Variants in SET observed in about 807,000 individuals in gnomAD.
SET encodes the protein protein SET.
SET carries 4 observed loss-of-function variants against 39.0 expected under a neutral mutation model. That is an observed-to-expected ratio of 0.10 (90% confidence interval 0.05 to 0.23). The LOEUF is 0.23. Ranked by LOEUF, SET falls within the 10% of genes least tolerant of loss-of-function variation. SET has a pLI of 1.00. For missense variants in SET, 137 were observed against 329.7 expected, an observed-to-expected ratio of 0.42 and a Z score of 4.53; for synonymous variants, 114 against 115.9, an observed-to-expected ratio of 0.98 and a Z score of 0.11.
At chr9:128,685,206 CT>C (rs778818629), upstream of SET, 3 of 1,600,466 alleles carry the variant, frequency 1.9e-6, no homozygotes, top group Admixed American at 5.2e-5. Flanking sequence ...TGAAACCTAC[CT>C]TGCTGGGTGA....
intron 7 of SET, 38 bp from the exon 8 acceptor site, chr9:128,694,603 A>G (rs1589463454): frequency 6.7e-7 from 1 of 1,501,418 alleles, no homozygotes. Flanking sequence ...AAGTCTCAGC[A>G]TTAATCCTGA....
At position 128,696,244 on chromosome 9, in the gene SET, T is replaced by C; in HGVS notation, c.*1580T>C. 1 of 203,144 alleles carries C rather than the reference T, an allele frequency of 4.9e-6. No homozygotes were observed. 12.6% of individuals were successfully genotyped at this position (203,144 alleles called of 1,614,324 possible). On this transcript the variant is annotated 3_prime_UTR_variant, in exon 8 of 8. Coordinates refer to ENST00000322030, the MANE Select transcript of SET (RefSeq NM_003011.4). ...AAGCTTTTTGATGTATAAAACTTGA[T>C]AAATGGAACTATTCCATCAATAGGC...
intron 3 of SET, chr9:128,692,261 G>A (rs1044603578): frequency 3.9e-5 from 14 of 362,446 alleles, no homozygotes; most frequent in South Asian, 2.1e-4. Context: ...GTGGTGGCGC[G>A]CGCTTGTAAT....
intron 7 of SET, 46 bp downstream of exon 7, chr9:128,694,088 T>C (rs1205790264): frequency 7.1e-7 from 1 of 1,410,968 alleles, no homozygotes. Context: ...TTTTAAAGAA[T>C]TCATGTTATT....
upstream of SET, among the ~76,000 whole-genome samples, chr9:128,688,239 A>C (rs1861355591): frequency 6.6e-6 from 1 of 152,162 alleles, no homozygotes; most frequent in Admixed American, 6.5e-5. Context: ...GCTACTAATC[A>C]GGGTTTTTCT....
chr9:128,692,053 A>T, intron 3 of SET, 53 bp downstream of exon 3: 1 of 1,593,884 alleles, frequency 6.3e-7, no homozygotes. Context: ...GTTAGAATGG[A>T]GGAAGCTTGG....
intron 3 of SET, 198 bp from the exon 4 acceptor site, chr9:128,692,464 C>T (rs898064442): frequency 3.8e-5 from 11 of 289,852 alleles, no homozygotes; most frequent in Non-Finnish European, 5.9e-5. Flanking sequence ...GCTTTCTATT[C>T]TGTTTAGGAG....
At chr9:128,687,725 T>G (rs1356824337), upstream of SET, among the ~76,000 whole-genome samples, 2 of 152,122 alleles carry the variant, frequency 1.3e-5, no homozygotes, top group Non-Finnish European at 2.9e-5. Context: ...TTTCAGGTAT[T>G]TTTTTGTTTT....
intron 1 of SET, chr9:128,690,075 C>T: frequency 4.2e-6 from 3 of 714,502 alleles, no homozygotes; most frequent in Non-Finnish European, 5.1e-6. Context: ...GGTTCCGCTT[C>T]GCGCCCGGCC....
intron 4 of SET, 48 bp downstream of exon 4, chr9:128,692,813 G>C (rs1345027772): frequency 2.0e-6 from 3 of 1,523,620 alleles, no homozygotes; most frequent in African/African-American, 2.7e-5. Context: ...AAATTAATGT[G>C]AGCTTTGGTT....
rs748512709 is a variant in SET, at chr9:128,691,846, C to G, written c.132-12C>G. On this transcript the variant is annotated splice_polypyrimidine_tract_variant and intron_variant, in intron 2 of 7. Transcript: ENST00000322030. Reference sequence around the variant, plus strand: ...TACTATCATTGTCAACATCTCTTTTCATTTGCTTCAGACTTAATGAACAAG... The same window carrying G: ...TACTATCATTGTCAACATCTCTTTTGATTTGCTTCAGACTTAATGAACAAG... 7 of 1,598,504 alleles carry G rather than the reference C, an allele frequency of 4.4e-6. No individual in the cohort carries two copies. The highest frequency in any genetic ancestry group is 6.0e-6 in the Non-Finnish European group (7 of 1,173,816).
Position 128,692,853 on chromosome 9 carries a change from A to C in SET, c.379-15A>C. The C allele has an allele frequency of 2.6e-6, 4 of 1,531,880 alleles. No homozygotes were observed. The highest frequency in any genetic ancestry group is 3.6e-6 in the Non-Finnish European group (4 of 1,108,106). 94.9% of individuals were successfully genotyped at this position (1,531,880 alleles called of 1,614,324 possible). On this transcript the variant is annotated splice_polypyrimidine_tract_variant and intron_variant, in intron 4 of 7. Transcript: ENST00000322030. ...GACCTGTTCATATTTCTAATCTTTCAATTATTTATTACAGTATTTTGATGA... is the reference window on the plus strand; with the variant it reads ...GACCTGTTCATATTTCTAATCTTTCCATTATTTATTACAGTATTTTGATGA...
Position 128,692,853 on chromosome 9 carries a change from AATT to A in SET, c.379-11_379-9del. ...GACCTGTTCATATTTCTAATCTTTC[AATT>A]ATTTATTACAGTATTTTGATGAAAA... On this transcript the variant is annotated splice_polypyrimidine_tract_variant and intron_variant, in intron 4 of 7. Transcript: ENST00000322030. The A allele has an allele frequency of 6.5e-7, 1 of 1,531,880 alleles. No homozygotes were observed. The highest frequency in any genetic ancestry group is 9.0e-7 in the Non-Finnish European group (1 of 1,108,106). The allele number at this position is 1,531,880 out of a possible 1,614,324, so 94.9% of individuals were successfully genotyped here. A position where few individuals can be genotyped will look rare whatever the true frequency, so the allele number is the denominator to read the frequency against.
At chr9:128,689,005 G>T (rs1176812248), upstream of SET, among the ~76,000 whole-genome samples, 1 of 151,320 alleles carries the variant, frequency 6.6e-6, no homozygotes, top group Non-Finnish European at 1.5e-5. Flanking sequence ...GTCCTGGGTC[G>T]GGCCGGAGAG....
intron 2 of SET, 33 bp downstream of exon 2, chr9:128,691,260 T>C: frequency 7.2e-7 from 1 of 1,384,930 alleles, no homozygotes; most frequent in East Asian, 2.3e-5. Context: ...TCGGAGAAAT[T>C]TTCTGAGATG....
Position 128,690,045 on chromosome 9 carries a change from CCGCGCCCGACCTCCCGCGCGGTTCCGCTT to C in SET, c.73+399_73+427del, listed in dbSNP as rs1296262410. ...CCACATGGTGCGGCCGGACGCGGCC[CCGCGCCCGACCTCCCGCGCGGTTCCGCTT>C]CGCGCCCGGCCCGCGGCGGCGCCCC... On this transcript the variant is annotated intron_variant, in intron 1 of 7. Coordinates refer to ENST00000322030, the MANE Select transcript of SET (RefSeq NM_003011.4). The C allele has an allele frequency of 6.8e-5, 67 of 986,962 alleles. 1 individual carries two copies. The African/African-American group carries it at 1.1e-3, about 16-fold the overall frequency. The allele number at this position is 986,962 out of a possible 1,614,324, so 61.1% of individuals were successfully genotyped here.
chr9:128,693,649 A>G lies in SET; in HGVS notation c.504A>G (p.Lys168=). The G allele has an allele frequency of 6.2e-7, 1 of 1,611,120 alleles. No homozygotes were observed. Among genetic ancestry groups the G allele is most frequent in the Non-Finnish European group, 8.5e-7 (1 of 1,178,976 alleles). ...CGGTATTCATTTAGGATTTGACGAAACGTTCGAGTCAAACGCAGAATAAAG... is the reference window on the plus strand; with the variant it reads ...CGGTATTCATTTAGGATTTGACGAAGCGTTCGAGTCAAACGCAGAATAAAG... The part of the protein sequence containing the change: ...IKWKSGKDLT[K]RSSQTQNKAS... The change falls in exon 6 of 8, where the codon AAA becomes AAG. Residue 168 remains lysine (K), a synonymous_variant. Transcript: ENST00000322030.
rs1406998231 is a variant in SET, at chr9:128,692,816, C to CTT, written c.379-50_379-49dup. The CTT allele has an allele frequency of 2.0e-6, 3 of 1,516,644 alleles. No homozygotes were observed. The African/African-American group carries it at 4.1e-5, about 21-fold the overall frequency. 93.9% of individuals were successfully genotyped at this position (1,516,644 alleles called of 1,614,324 possible). A position where few individuals can be genotyped will look rare whatever the true frequency, so the allele number is the denominator to read the frequency against. On this transcript the variant is annotated intron_variant, in intron 4 of 7. Transcript: ENST00000322030. The stretch of plus-strand genomic sequence containing the variant: ...TTGCCACTGTGGAAATTAATGTGAG[C>CTT]TTTGGTTGGAAGACCTGTTCATATT...
chr9:128,694,161 G>C (rs1404679206), intron 7 of SET, 119 bp downstream of exon 7: 2 of 937,478 alleles, frequency 2.1e-6, no homozygotes, highest in Non-Finnish European at 3.0e-6. Flanking sequence ...TGGAAAAAAA[G>C]TAAGCCATTT....
Sources: gnomAD v4.1 joint callset for allele counts (sites outside exome capture counted in the v4.1 genomes callset) on GRCh38, gnomAD v4.1.1 for gene constraint, MANE v1.5 for transcripts, NCBI Gene and HGNC (gene_info 2026-07-23, HGNC 2026-07-21) for gene names.